The following FAT4 variants were observed in gnomAD, a reference collection of about 807,000 sequenced individuals.
FAT4 encodes the protein FAT atypical cadherin 4, also known as protocadherin Fat 4.
In FAT4, 84 loss-of-function variants were observed where a neutral mutation model predicts 303.9. The ratio of observed to expected loss-of-function variants is 0.28; its 90% CI spans 0.23 to 0.33. FAT4 has a LOEUF of 0.33. Ranked by LOEUF, FAT4 falls within the 10% of genes least tolerant of loss-of-function variation. FAT4 has a pLI of 1.00. For synonymous variants in FAT4, 2,307 were observed against 2,298.8 expected (o/e 1.00, Z -0.10); for missense variants, 6,005 against 6,146.8 (o/e 0.98, Z 0.77).
In FAT4 at chr4:125,319,963, G is replaced by C. The variant is rs778271285; in HGVS notation, c.3552G>C (p.Gln1184His). 6.2e-7 allele frequency: 1 copy of C among 1,613,204 alleles called. No individual in the cohort carries two copies. The highest frequency in any genetic ancestry group is 1.1e-5 in the South Asian group (1 of 91,080). Residue 1184 changes from glutamine (Q) to histidine (H), a missense_variant, in exon 2 of 18, where the codon CAG becomes CAC. Gln to His is a conservative substitution (Grantham distance 24). Transcript: ENST00000394329. Reference protein sequence around the residue: ...VFSFTVIATDQGIPQPLKDQA... With the variant: ...VFSFTVIATDHGIPQPLKDQA... Reference sequence around the variant, plus strand: ...GCTTTACAGTCATAGCAACAGATCAGGGGATCCCTCAGCCTCTCAAGGATC... The same window carrying C: ...GCTTTACAGTCATAGCAACAGATCACGGGATCCCTCAGCCTCTCAAGGATC...
chr4:125,349,811 T>A (rs1319764776), intron 2 of FAT4, among the ~76,000 whole-genome samples: 2 of 151,728 alleles, frequency 1.3e-5, no homozygotes, highest in African/African-American at 2.4e-5. Context: ...AACAAATAAC[T>A]GTTATTATTT....
chr4:125,371,752 A>G (rs1424394247), intron 2 of FAT4, among the ~76,000 whole-genome samples: 1 of 151,436 alleles, frequency 6.6e-6, no homozygotes, highest in Non-Finnish European at 1.5e-5. Flanking sequence ...TATAAATTGA[A>G]TAATTACAGA....
chr4:125,444,719 A>C (rs560627659), intron 8 of FAT4, among the ~76,000 whole-genome samples: 11 of 152,220 alleles, frequency 7.2e-5, no homozygotes, highest in South Asian at 2.1e-4. Flanking sequence ...TATAGGAATA[A>C]ATATTTGATT....
rs1428279036 is a variant in FAT4, at chr4:125,415,222, T to A, written c.6259T>A (p.Tyr2087Asn). The change falls in exon 6 of 18, where the codon TAC becomes AAC. Residue 2087 changes from tyrosine to asparagine, a missense_variant. Coordinates refer to ENST00000394329, the MANE Select transcript of FAT4 (RefSeq NM_001291303.3). ...TAGTGGCCCAAACAGCTATATTGAG[T>A]ACACTCTGCTGAACCCTTTGGGAAA... ...PDSGPNSYIE[Y>N]TLLNPLGNKF... is the part of the protein sequence containing the mutation. The A allele has an allele frequency of 6.2e-7, 1 of 1,614,048 alleles. No individual in the cohort carries two copies. The highest frequency in any genetic ancestry group is 1.7e-5 in the Admixed American group (1 of 59,998).
chr4:125,330,209 A>G (rs1009487349), intron 2 of FAT4, among the ~76,000 whole-genome samples: 3 of 136,948 alleles, frequency 2.2e-5, no homozygotes, highest in African/African-American at 7.9e-5. Flanking sequence ...ACAACCTCCC[A>G]TACTTCAAGT....
intron 10 of FAT4, among the ~76,000 whole-genome samples, chr4:125,454,007 T>G (rs1578664233): frequency 1.3e-5 from 2 of 152,330 alleles, no homozygotes; most frequent in South Asian, 4.1e-4. Flanking sequence ...GTTATGCTAT[T>G]GATAAGTTCG....
chr4:125,441,556 C>A (rs1476465793), intron 8 of FAT4, among the ~76,000 whole-genome samples: 1 of 152,154 alleles, frequency 6.6e-6, no homozygotes, highest in Non-Finnish European at 1.5e-5. Context: ...AGTTATATTT[C>A]ATAATTATTT....
intron 16 of FAT4, among the ~76,000 whole-genome samples, chr4:125,484,535 C>G (rs1162372682): frequency 6.6e-6 from 1 of 151,994 alleles, no homozygotes; most frequent in African/African-American, 2.4e-5. Flanking sequence ...TCTATAGATT[C>G]AAATTAAATA....
chr4:125,406,361 G>A (rs1052374808), intron 3 of FAT4, among the ~76,000 whole-genome samples: 3 of 152,036 alleles, frequency 2.0e-5, no homozygotes, highest in African/African-American at 4.8e-5. Flanking sequence ...CTGTATGTGT[G>A]TCTTTATGCC....
chr4:125,400,228 A>T (rs1734332758), intron 3 of FAT4, among the ~76,000 whole-genome samples: 1 of 151,994 alleles, frequency 6.6e-6, no homozygotes, highest in South Asian at 2.1e-4. Context: ...TAATTATAAT[A>T]GATATTCTAA....
At chr4:125,383,642 A>C (rs529901172) in intron 2 of FAT4, among the ~76,000 whole-genome samples, 33 of 152,334 alleles carry the variant, frequency 2.2e-4, no homozygotes, top group African/African-American at 7.7e-4. Flanking sequence ...GGGATGTCAC[A>C]AACTTCTAAT....
chr4:125,478,965 C>T (rs1727128166), intron 14 of FAT4, among the ~76,000 whole-genome samples: 1 of 152,104 alleles, frequency 6.6e-6, no homozygotes, highest in Non-Finnish European at 1.5e-5. Context: ...TGCCATCTCC[C>T]TTCACTTCCT....
At chr4:125,489,181 T>C (rs1727515508) in intron 17 of FAT4, among the ~76,000 whole-genome samples, 1 of 152,224 alleles carries the variant, frequency 6.6e-6, no homozygotes, top group African/African-American at 2.4e-5. Context: ...CTTTTTGTAG[T>C]GTCAAAATAG....
intron 8 of FAT4, among the ~76,000 whole-genome samples, chr4:125,439,413 A>T (rs1443209884): frequency 6.7e-6 from 1 of 150,064 alleles, no homozygotes; most frequent in Admixed American, 6.6e-5. Context: ...GCTCACTGCA[A>T]CCTCCGCCTT....
chr4:125,400,694 A>C (rs1734352752), intron 3 of FAT4, among the ~76,000 whole-genome samples: 1 of 118,478 alleles, frequency 8.4e-6, no homozygotes, highest in Non-Finnish European at 1.7e-5. Context: ...TTTTATTTCT[A>C]CTGAGCTTTG....
At position 125,490,457 on chromosome 4, in the gene FAT4, G is replaced by T. The variant is rs974151247; in HGVS notation, c.13641G>T (p.Glu4547Asp). 4.0e-5 allele frequency: 65 copies of T among 1,614,002 alleles called. No individual in the cohort carries two copies. Among genetic ancestry groups the T allele is most frequent in the Non-Finnish European group, 5.5e-5 (65 of 1,180,022 alleles). ...CCAAAGAGGAGAAGAAACCGAAGGAGAAGAAGAAAAAGGGAAGTGAGAACG... is the reference window on the plus strand; with the variant it reads ...CCAAAGAGGAGAAGAAACCGAAGGATAAGAAGAAAAAGGGAAGTGAGAACG... ...KNPKEEKKPKEKKKKGSENVA... is the reference protein window; with the variant it reads ...KNPKEEKKPKDKKKKGSENVA... The change falls in exon 18 of 18, where the codon GAG becomes GAT. Residue 4547 changes from glutamate to aspartate, a missense_variant. Transcript: ENST00000394329.
At chr4:125,373,275 A>C (rs1009079518) in intron 2 of FAT4, among the ~76,000 whole-genome samples, 1 of 152,132 alleles carries the variant, frequency 6.6e-6, no homozygotes, top group African/African-American at 2.4e-5. Context: ...GCCATGATGC[A>C]GGTTTCACAT....
In FAT4 at chr4:125,316,955, G is replaced by T. The variant is rs558736544; in HGVS notation, c.544G>T (p.Ala182Ser). 41 of 1,613,950 alleles carry T rather than the reference G, an allele frequency of 2.5e-5. No individual in the cohort carries two copies. The highest frequency in any genetic ancestry group is 1.3e-4 in the South Asian group (12 of 91,082). ...CTACCGCATCATCCGCGGCAATGAG[G>T]CGGGGCGCTTCCGTCTGGACATCAC... ...RSYRIIRGNEAGRFRLDITLN... is the reference protein window; with the variant it reads ...RSYRIIRGNESGRFRLDITLN... The change falls in exon 2 of 18, where the codon GCG becomes TCG. Residue 182 changes from alanine to serine, a missense_variant. Transcript: ENST00000394329. This position sits in a 1 kb window ranked among gnomAD's most constrained non-coding sequence, Gnocchi z 5.7.
At chr4:125,326,205 A>G (rs886293368) in intron 2 of FAT4, among the ~76,000 whole-genome samples, 2 of 152,098 alleles carry the variant, frequency 1.3e-5, no homozygotes, top group African/African-American at 4.8e-5. Context: ...ACAAGAAACT[A>G]TTAAGATTTC....
Sources: gnomAD v4.1 joint callset for allele counts (sites outside exome capture counted in the v4.1 genomes callset) on GRCh38, gnomAD v4.1.1 for gene constraint, Gnocchi (gnomAD v3.1) non-coding constraint, MANE v1.5 for transcripts, NCBI Gene and HGNC (gene_info 2026-07-23, HGNC 2026-07-21) for gene names.